The following ASAP1 variants were observed in gnomAD, a reference collection of about 807,000 sequenced individuals.
ASAP1 encodes arf-GAP with SH3 domain, ANK repeat and PH domain-containing protein 1.
Under a neutral mutation model 145.2 loss-of-function variants are expected in ASAP1, and 43 were observed. The ratio of observed to expected loss-of-function variants is 0.30; its 90% CI spans 0.23 to 0.38. The LOEUF (loss-of-function observed/expected upper bound fraction) is 0.38, where lower values mean the gene tolerates loss of function less well. Among genes scored for constraint, ASAP1 ranks in the 10% least tolerant of loss-of-function variants. The probability of loss-of-function intolerance (pLI) is 1.00; values close to 1 mark genes in which losing one functional copy is unlikely to be tolerated. For synonymous variants in ASAP1, 546 were observed against 515.5 expected (o/e 1.06, Z -0.80); for missense variants, 1,018 against 1,355.3 (o/e 0.75, Z 3.91).
At chr8:130,355,477 C>T (rs77378246) in intron 3 of ASAP1, among the ~76,000 whole-genome samples, 15,895 of 152,078 alleles carry the variant, frequency 0.1, 976 homozygotes, top group South Asian at 0.28. Flanking sequence ...ATTCCTATTC[C>T]GGAGTTTCCA....
intron 3 of ASAP1, among the ~76,000 whole-genome samples, chr8:130,289,906 C>T (rs868293869): frequency 5.5e-4 from 84 of 152,272 alleles, no homozygotes; most frequent in African/African-American, 1.9e-3. Flanking sequence ...TCTAGTTTAG[C>T]TTCTAAAAGC....
intron 1 of ASAP1, among the ~76,000 whole-genome samples, chr8:130,402,666 G>A (rs11993741): frequency 0.32 from 49,164 of 151,788 alleles, 8,742 homozygotes; most frequent in African/African-American, 0.46. Context: ...CATCCAGGGC[G>A]AAAAACCGAG....
chr8:130,265,014 G>T (rs1205313250), intron 3 of ASAP1, among the ~76,000 whole-genome samples: 1 of 152,150 alleles, frequency 6.6e-6, no homozygotes, highest in Non-Finnish European at 1.5e-5. Flanking sequence ...GGTGTACAAG[G>T]AAGTGGTAAA....
intron 9 of ASAP1, among the ~76,000 whole-genome samples, chr8:130,169,801 T>C (rs1267020152): frequency 6.6e-6 from 1 of 152,202 alleles, no homozygotes; most frequent in Non-Finnish European, 1.5e-5. Flanking sequence ...GTACAGAGTA[T>C]GTATAAAACT....
intron 3 of ASAP1, among the ~76,000 whole-genome samples, chr8:130,298,588 C>T (rs141335517): frequency 6.6e-6 from 1 of 152,364 alleles, no homozygotes; most frequent in African/African-American, 2.4e-5. Flanking sequence ...CAATCCTTTG[C>T]TTCAAACCCT....
At chr8:130,142,016 C>A (rs2097612986) in intron 13 of ASAP1, among the ~76,000 whole-genome samples, 1 of 152,170 alleles carries the variant, frequency 6.6e-6, no homozygotes, top group South Asian at 2.1e-4. Flanking sequence ...CCGTGCCCAG[C>A]CCTCAATAAA....
chr8:130,152,606 TTG>T, intron 13 of ASAP1, 128 bp downstream of exon 13: 3 of 554,734 alleles, frequency 5.4e-6, no homozygotes, highest in East Asian at 5.7e-5. Flanking sequence ...TTTTTTTTTT[TTG>T]GTAAAGGAAT....
At chr8:130,260,715 C>G (rs1819842867) in intron 3 of ASAP1, among the ~76,000 whole-genome samples, 2 of 152,036 alleles carry the variant, frequency 1.3e-5, no homozygotes, top group South Asian at 4.2e-4. Flanking sequence ...ATCAATTTGG[C>G]CTCTGAAGGG....
At chr8:130,292,030 G>C (rs373581350) in intron 3 of ASAP1, among the ~76,000 whole-genome samples, 2 of 152,304 alleles carry the variant, frequency 1.3e-5, no homozygotes, top group African/African-American at 4.8e-5. Flanking sequence ...AGCTGCTGGA[G>C]AGGAGCTGAA....
intron 23 of ASAP1, among the ~76,000 whole-genome samples, chr8:130,114,915 G>A (rs1196963483): frequency 1.3e-5 from 2 of 151,680 alleles, no homozygotes; most frequent in East Asian, 1.9e-4. Context: ...GCACCACCAC[G>A]TTTTATTGAT....
chr8:130,207,892 A>G (rs1424202259), intron 5 of ASAP1, among the ~76,000 whole-genome samples: 1 of 152,186 alleles, frequency 6.6e-6, no homozygotes, highest in East Asian at 1.9e-4. Context: ...GAAATTAGAA[A>G]ACCTATTAAA....
intron 3 of ASAP1, among the ~76,000 whole-genome samples, chr8:130,252,315 A>C (rs1396546492): frequency 1.3e-5 from 2 of 152,210 alleles, no homozygotes; most frequent in Non-Finnish European, 2.9e-5. Flanking sequence ...GCAGAGAGGT[A>C]CCTACAGATG....
At chr8:130,432,019 GGGA>G (rs1331277198) in intron 1 of ASAP1, among the ~76,000 whole-genome samples, 4 of 116,448 alleles carry the variant, frequency 3.4e-5, no homozygotes, top group East Asian at 2.9e-4. Flanking sequence ...GGGGAAAATG[GGGA>G]GGAGAAGGAG....
At chr8:130,204,094 C>G (rs1245733727) in intron 5 of ASAP1, among the ~76,000 whole-genome samples, 3 of 152,160 alleles carry the variant, frequency 2.0e-5, no homozygotes, top group African/African-American at 7.2e-5. Flanking sequence ...GGCCACACAG[C>G]AGGAGTGAGT....
intron 19 of ASAP1, 85 bp downstream of exon 19, chr8:130,118,404 T>C: frequency 7.0e-7 from 1 of 1,438,188 alleles, no homozygotes; most frequent in Non-Finnish European, 9.5e-7. Context: ...AAGAATCTCA[T>C]TATATGGTAT....
At chr8:130,168,585 GAAAAAC>G (rs954879517) in intron 10 of ASAP1, among the ~76,000 whole-genome samples, 77 of 152,130 alleles carry the variant, frequency 5.1e-4, no homozygotes, top group African/African-American at 1.7e-3. Flanking sequence ...GTGAGACTCT[GAAAAAC>G]AAAAACAAAA....
chr8:130,186,424 A>G (rs900257424), intron 7 of ASAP1, among the ~76,000 whole-genome samples: 2 of 152,092 alleles, frequency 1.3e-5, no homozygotes, highest in African/African-American at 4.8e-5. Flanking sequence ...TTATGTTTAT[A>G]GTTGTCCAAG....
intron 11 of ASAP1, chr8:130,163,012 CA>C: frequency 5.9e-6 from 1 of 168,314 alleles, no homozygotes; most frequent in Admixed American, 5.7e-5. Flanking sequence ...GTTAAGTTTT[CA>C]AATGGGCCTA....
intron 25 of ASAP1, among the ~76,000 whole-genome samples, chr8:130,090,944 C>G (rs547870740): frequency 6.6e-6 from 1 of 152,204 alleles, no homozygotes; most frequent in African/African-American, 2.4e-5. Flanking sequence ...GTGAGACACA[C>G]AAACTAACAA....
Sources: allele counts gnomAD v4.1 joint callset (sites outside exome capture counted in the v4.1 genomes callset), GRCh38; gene constraint gnomAD v4.1.1; transcripts MANE v1.5; gene names NCBI Gene and HGNC (gene_info 2026-07-23, HGNC 2026-07-21).